SNX14: variants seen among roughly 807,000 people sequenced by gnomAD.
SNX14 encodes the protein sorting nexin 14, also known as sorting nexin-14.
SNX14 carries 93 observed loss-of-function variants against 133.8 expected under a neutral mutation model. That is an observed-to-expected ratio of 0.70 (90% confidence interval 0.59 to 0.83). The LOEUF is 0.83. Ranked by LOEUF, SNX14 falls within the 40% of genes least tolerant of loss-of-function variation. The probability of loss-of-function intolerance (pLI) is 0.00; values close to 1 mark genes in which losing one functional copy is unlikely to be tolerated. For missense variants in SNX14, 945 were observed against 1,094.9 expected, an observed-to-expected ratio of 0.86 and a Z score of 1.93; for synonymous variants, 368 against 365.6, an observed-to-expected ratio of 1.01 and a Z score of -0.07.
At chr6:85,592,061 T>A (rs1210567430) in intron 1 of SNX14, among the ~76,000 whole-genome samples, 2 of 152,250 alleles carry the variant, frequency 1.3e-5, no homozygotes, top group African/African-American at 4.8e-5. Context: ...ATTTCTTTCA[T>A]ACTAAACCTG....
At chr6:85,516,904 C>T (rs1366899142) in intron 23 of SNX14, among the ~76,000 whole-genome samples, 2 of 152,122 alleles carry the variant, frequency 1.3e-5, no homozygotes, top group Non-Finnish European at 2.9e-5. Context: ...TCCCGAAGTG[C>T]TGGGATTACA....
intron 16 of SNX14, among the ~76,000 whole-genome samples, chr6:85,538,599 A>C (rs993663918): frequency 1.3e-5 from 2 of 152,210 alleles, no homozygotes; most frequent in African/African-American, 4.8e-5. Context: ...AAACAATGAA[A>C]ATATCTTTAA....
At chr6:85,535,662 T>TA (rs1781730681) in intron 17 of SNX14, among the ~76,000 whole-genome samples, 1 of 143,112 alleles carries the variant, frequency 7.0e-6, no homozygotes, top group South Asian at 2.2e-4. Flanking sequence ...AATAAAGGCA[T>TA]AAAAAAACGG....
chr6:85,526,211 A>T lies in SNX14; in HGVS notation c.2022T>A (p.Ser674Arg), dbSNP rs1370640736. ...GAAAGTCTGCCAGAAGTTGACTATT[A>T]CTCAGTTCTGGATGCTGCAGAAGTT... is the stretch of plus-strand genomic sequence containing the variant. ...LQKLLQHPEL[S>R]NSQLLADFLS... Residue 674 changes from serine (S) to arginine (R), a missense_variant, in exon 21 of 29, where the codon AGT (serine) becomes AGA (arginine). Around this residue, in one of 3 missense-constraint regions of SNX14, gnomAD observed 412 missense variants for 516.6 expected, o/e 0.80. Coordinates refer to ENST00000314673, the MANE Select transcript of SNX14 (RefSeq NM_153816.6). 6.2e-7 allele frequency: 1 copy of T among 1,606,942 alleles called. No individual in the cohort carries two copies. Among genetic ancestry groups the T allele is most frequent in the Admixed American group, 1.7e-5 (1 of 59,200 alleles).
At chr6:85,534,834 T>TTG (rs1436593797) in intron 17 of SNX14, among the ~76,000 whole-genome samples, 1 of 150,594 alleles carries the variant, frequency 6.6e-6, no homozygotes, top group Non-Finnish European at 1.5e-5. Flanking sequence ...AGGGAAAGTT[T>TTG]TTTTTTTTTT....
intron 7 of SNX14, among the ~76,000 whole-genome samples, chr6:85,555,389 T>C (rs1048885841): frequency 8.5e-5 from 13 of 152,106 alleles, no homozygotes; most frequent in African/African-American, 3.1e-4. Context: ...CAATGGAAAA[T>C]AACTGAGTAG....
In SNX14 at chr6:85,546,429, C is replaced by T. The variant is rs1355352069; in HGVS notation, c.1108+683G>A. ...TCCAATAATCTATAATGCTACAGAG[C>T]TTATAATTAAAATGAGGTATTCTTA... On this transcript the variant is annotated intron_variant, in intron 12 of 28. Coordinates refer to ENST00000314673, the MANE Select transcript of SNX14 (RefSeq NM_153816.6). Among the ~76,000 whole-genome samples the T allele has an allele frequency of 2.6e-5, 4 of 152,150 alleles. No homozygotes were observed. The East Asian group carries it at 5.8e-4, about 22-fold the overall frequency.
At chr6:85,566,926 T>G (rs977772384) in intron 5 of SNX14, among the ~76,000 whole-genome samples, 2 of 152,102 alleles carry the variant, frequency 1.3e-5, no homozygotes, top group Admixed American at 1.3e-4. Flanking sequence ...TTTCTGTATC[T>G]TCAAAAGCAC....
In SNX14 at chr6:85,567,582, A is replaced by AT. The variant is rs763866421; in HGVS notation, c.418-6dup. 4 of 1,502,908 alleles carry AT rather than the reference A, an allele frequency of 2.7e-6. No homozygotes were observed. The highest frequency in any genetic ancestry group is 3.5e-6 in the Non-Finnish European group (4 of 1,129,682). The allele number at this position is 1,502,908 out of a possible 1,614,324, so 93.1% of individuals were successfully genotyped here. On this transcript the variant is annotated splice_region_variant and splice_polypyrimidine_tract_variant and intron_variant, in intron 4 of 28. Coordinates refer to ENST00000314673, the MANE Select transcript of SNX14 (RefSeq NM_153816.6). ...TTCCAACACTAATTCAAGAACCTGCATAAACAATTATTTTTTAAAGAAAAA... is the reference window on the plus strand; with the variant it reads ...TTCCAACACTAATTCAAGAACCTGCATTAAACAATTATTTTTTAAAGAAAAA...
In SNX14 at chr6:85,533,682, T is replaced by G. The variant is rs1315242063; in HGVS notation, c.1727A>C (p.Glu576Ala). 1 of 1,613,804 alleles carries G rather than the reference T, an allele frequency of 6.2e-7. No homozygotes were observed. Among genetic ancestry groups the G allele is most frequent in the East Asian group, 2.2e-5 (1 of 44,882 alleles). ...KISIPYVDFF[E>A]DPSSERKEKK... ...CTCCTTCCTTTCAGAGGAGGGATCC[T>G]CAAAAAAGTCTACATATGGAATGCT... Residue 576 changes from glutamate to alanine, a missense_variant, in exon 18 of 29, where the codon GAG (glutamate) becomes GCG (alanine). Physicochemically the swap from Glu to Ala is moderately radical, Grantham distance 107. Coordinates refer to ENST00000314673, the MANE Select transcript of SNX14 (RefSeq NM_153816.6).
intron 1 of SNX14, among the ~76,000 whole-genome samples, chr6:85,576,415 A>G (rs1480080528): frequency 1.3e-5 from 2 of 152,204 alleles, no homozygotes; most frequent in African/African-American, 4.8e-5. Context: ...GGCCAATCAT[A>G]GCATCTTCTT....
intron 6 of SNX14, among the ~76,000 whole-genome samples, chr6:85,564,732 G>C (rs191839048): frequency 2.6e-4 from 39 of 152,282 alleles, no homozygotes; most frequent in Non-Finnish European, 4.1e-4. Flanking sequence ...GCTCACACCT[G>C]TAATCCTAGC....
chr6:85,528,706 C>A (rs1779228574), intron 19 of SNX14, among the ~76,000 whole-genome samples: 1 of 152,048 alleles, frequency 6.6e-6, no homozygotes, highest in African/African-American at 2.4e-5. Flanking sequence ...AAAGAAATAA[C>A]TAATTTCTCA....
At position 85,549,705 on chromosome 6, in the gene SNX14, T is replaced by C. The variant is rs770734785; in HGVS notation, c.791+18A>G. The C allele has an allele frequency of 6.2e-7, 1 of 1,601,540 alleles. No individual in the cohort carries two copies. The highest frequency in any genetic ancestry group is 8.5e-7 in the Non-Finnish European group (1 of 1,175,954). ...GCATGTTATGCAAATACTATTATAT[T>C]GTCTAGTCTTTTTATACCTGCAGTC... is the stretch of plus-strand genomic sequence containing the variant. On this transcript the variant is annotated intron_variant, in intron 8 of 28. Transcript: ENST00000314673.
chr6:85,521,381 C>T (rs1045084177), intron 21 of SNX14, among the ~76,000 whole-genome samples: 2 of 152,132 alleles, frequency 1.3e-5, no homozygotes, highest in Non-Finnish European at 2.9e-5. Flanking sequence ...ATTACACATG[C>T]ACACCACCAT....
intron 8 of SNX14, among the ~76,000 whole-genome samples, chr6:85,548,693 G>T (rs1751257644): frequency 6.6e-6 from 1 of 152,148 alleles, no homozygotes; most frequent in African/African-American, 2.4e-5. Context: ...TATCGGCCGG[G>T]TGGGGTGGCT....
chr6:85,536,453 T>C (rs1264885530), intron 17 of SNX14, among the ~76,000 whole-genome samples: 2 of 152,118 alleles, frequency 1.3e-5, no homozygotes, highest in East Asian at 3.8e-4. Flanking sequence ...ATACCTGGAG[T>C]ACATGGTGGG....
chr6:85,520,808 A>G lies in SNX14; in HGVS notation c.2108-2760T>C, dbSNP rs144695772. Among the ~76,000 whole-genome samples the G allele has an allele frequency of 1.8e-3, 271 of 152,294 alleles. 4 individuals carry two copies. The highest frequency in any genetic ancestry group is 6.4e-3 in the African/African-American group (266 of 41,552). On this transcript the variant is annotated intron_variant, in intron 21 of 28. Transcript: ENST00000314673. ...AAAGTTCATCCACATTGTTGCTAGTAGCCTCATGATATGGGTATTCAACGT... is the reference window on the plus strand; with the variant it reads ...AAAGTTCATCCACATTGTTGCTAGTGGCCTCATGATATGGGTATTCAACGT...
intron 1 of SNX14, among the ~76,000 whole-genome samples, chr6:85,586,662 C>T (rs151134514): frequency 2.6e-5 from 4 of 152,200 alleles, no homozygotes; most frequent in East Asian, 1.9e-4. Flanking sequence ...TTCACTGTAG[C>T]CTTGAACTCT....
Sources: gnomAD v4.1 joint callset for allele counts (sites outside exome capture counted in the v4.1 genomes callset) on GRCh38, gnomAD v4.1.1 for gene constraint, gnomAD v4.1.1 regional missense constraint, MANE v1.5 for transcripts, NCBI Gene and HGNC (gene_info 2026-07-23, HGNC 2026-07-21) for gene names.